The following NDUFB3 variants were observed in gnomAD, a reference collection of about 807,000 sequenced individuals.
The protein encoded by NDUFB3 is NADH dehydrogenase [ubiquinone] 1 beta subcomplex subunit 3.
In NDUFB3, 7 loss-of-function variants were observed where a neutral mutation model predicts 9.0. The ratio of observed to expected loss-of-function variants is 0.78; its 90% confidence interval spans 0.44 to 1.46. The LOEUF is 1.46. Among genes scored for constraint, NDUFB3 ranks in the 40% most tolerant of loss-of-function variants. NDUFB3 has a pLI of 0.01. For missense variants in NDUFB3, 93 were observed against 115.4 expected, an observed-to-expected ratio of 0.81 and a Z score of 0.89; for synonymous variants, 29 against 38.5, an observed-to-expected ratio of 0.75 and a Z score of 0.91.
rs1027372046 is a variant in NDUFB3 at position 201,074,101 on chromosome 2, T to G, written c.-3+2042T>G. On this transcript the variant is annotated intron_variant, in intron 1 of 2. Transcript: ENST00000237889. ...CCTAATAGCTGGAACTACAGGCATG[T>G]GCTACCATGCCCAGCTAATTTTTTT... is the stretch of plus-strand genomic sequence containing the variant. Among the ~76,000 whole-genome samples, 4 of 152,166 alleles carry G rather than the reference T, an allele frequency of 2.6e-5. No homozygotes were observed. The East Asian group carries it at 7.8e-4, about 30-fold the overall frequency.
At position 201,085,566 on chromosome 2, in the gene NDUFB3, G is replaced by A. The variant is rs1192492875; in HGVS notation, c.248G>A (p.Gly83Glu). 6.2e-7 allele frequency: 1 copy of A among 1,612,678 alleles called. No homozygotes were observed. Among genetic ancestry groups the A allele is most frequent in the African/African-American group, 1.3e-5 (1 of 74,816 alleles). Residue 83 changes from glycine (G) to glutamate (E), a missense_variant, in exon 3 of 3, where the codon GGA becomes GAA. Gly to Glu is a moderately conservative substitution (Grantham distance 98, BLOSUM62 -2). Transcript: ENST00000237889. The stretch of plus-strand genomic sequence containing the variant: ...TTTGCTGCATTTGTGGTAGCTGTAG[G>A]AGCTGAATATTACCTGGAGTCCCTG... ...WGFAAFVVAV[G>E]AEYYLESLNK...
intron 2 of NDUFB3, 22 bp from the exon 3 acceptor site, chr2:201,085,436 AT>A (rs757402154): frequency 6.4e-7 from 1 of 1,567,812 alleles, no homozygotes; most frequent in Non-Finnish European, 8.6e-7. Flanking sequence ...TATGATTATA[AT>A]TTTTTCTTTT....
chr2:201,079,601 C>A (rs1301512837), intron 2 of NDUFB3, among the ~76,000 whole-genome samples: 1 of 152,060 alleles, frequency 6.6e-6, no homozygotes, highest in East Asian at 1.9e-4. Context: ...GGCCACCATG[C>A]CCAGCTAATT....
chr2:201,076,493 A>G (rs1259779052), intron 1 of NDUFB3, among the ~76,000 whole-genome samples: 1 of 145,410 alleles, frequency 6.9e-6, no homozygotes, highest in Non-Finnish European at 1.5e-5. Context: ...AAATATATAT[A>G]TATATATATA....
At chr2:201,080,251 ATGT>A (rs752543107) in intron 2 of NDUFB3, among the ~76,000 whole-genome samples, 1 of 152,116 alleles carries the variant, frequency 6.6e-6, no homozygotes, top group Non-Finnish European at 1.5e-5. Context: ...TACCTTAATA[ATGT>A]TGTCAAAAAT....
intron 2 of NDUFB3, 36 bp downstream of exon 2, chr2:201,079,058 C>T (rs765393281): frequency 1.3e-6 from 2 of 1,575,818 alleles, no homozygotes; most frequent in Non-Finnish European, 1.7e-6. Context: ...AGAATGTATC[C>T]TAGAGAATCA....
intron 2 of NDUFB3, among the ~76,000 whole-genome samples, 158 bp downstream of exon 2, chr2:201,079,180 G>C (rs1032366886): frequency 6.6e-6 from 1 of 152,062 alleles, no homozygotes; most frequent in African/African-American, 2.4e-5. Context: ...GTGTCTTGCT[G>C]TGTTGCCAGG....
rs1470256577 is a variant in NDUFB3 at position 201,078,975 on chromosome 2, T to C, written c.93T>C (p.Thr31=). Residue 31 remains threonine, a synonymous_variant, in exon 2 of 3, where the codon ACT becomes ACC. Coordinates refer to ENST00000237889, the MANE Select transcript of NDUFB3 (RefSeq NM_002491.3). ...QWKIEGTPLE[T]IQKKLAAKGL... is the part of the protein sequence containing the mutation. The stretch of plus-strand genomic sequence containing the variant: ...AGATAGAAGGGACACCATTAGAAAC[T>C]ATCCAGAAGAAGCTGGCTGCAAAAG... The C allele has an allele frequency of 6.2e-7, 1 of 1,613,308 alleles. No homozygotes were observed. Among genetic ancestry groups the C allele is most frequent in the East Asian group, 2.2e-5 (1 of 44,876 alleles).
intron 1 of NDUFB3, among the ~76,000 whole-genome samples, chr2:201,076,143 C>G (rs1366283750): frequency 6.6e-6 from 1 of 151,998 alleles, no homozygotes; most frequent in East Asian, 1.9e-4. Flanking sequence ...ATGTTTCATT[C>G]AGAGTTGTGT....
At chr2:201,085,091 A>C (rs115150533) in intron 2 of NDUFB3, among the ~76,000 whole-genome samples, 140 of 152,374 alleles carry the variant, frequency 9.2e-4, no homozygotes, top group African/African-American at 3.3e-3. Flanking sequence ...TATAAGTGGC[A>C]TACCAAAGAT....
chr2:201,072,438 A>G (rs1479667055), intron 1 of NDUFB3: 1 of 152,218 alleles, frequency 6.6e-6, no homozygotes, highest in African/African-American at 2.4e-5. Context: ...GTTAAGATAT[A>G]TACTTGATAG....
chr2:201,078,727 C>G (rs1197854582), intron 1 of NDUFB3, among the ~76,000 whole-genome samples, 154 bp from the exon 2 acceptor site: 1 of 150,404 alleles, frequency 6.6e-6, no homozygotes, highest in African/African-American at 2.4e-5. Context: ...GAATAAGACA[C>G]TTTTATAAAA....
chr2:201,080,625 G>C (rs1477055419), intron 2 of NDUFB3, among the ~76,000 whole-genome samples: 1 of 150,038 alleles, frequency 6.7e-6, no homozygotes, highest in African/African-American at 2.4e-5. Context: ...ACTGTACTCT[G>C]TTACCCTCAT....
At chr2:201,084,106 T>G (rs1222720685) in intron 2 of NDUFB3, among the ~76,000 whole-genome samples, 4 of 152,026 alleles carry the variant, frequency 2.6e-5, no homozygotes, top group Non-Finnish European at 5.9e-5. Context: ...GTGGCCAACA[T>G]AGTGAAACCC....
intron 1 of NDUFB3, among the ~76,000 whole-genome samples, chr2:201,077,597 A>G (rs957172600): frequency 7.2e-5 from 11 of 152,224 alleles, no homozygotes; most frequent in Non-Finnish European, 1.5e-4. Context: ...GAACATTTGT[A>G]ATGACTTTGA....
intron 1 of NDUFB3, among the ~76,000 whole-genome samples, chr2:201,078,595 T>C (rs191705001): frequency 6.6e-6 from 1 of 152,356 alleles, no homozygotes; most frequent in Admixed American, 6.5e-5. Flanking sequence ...AAATGTTTAC[T>C]ATTATTATAA....
At chr2:201,083,431 C>T (rs1426334123) in intron 2 of NDUFB3, among the ~76,000 whole-genome samples, 2 of 150,548 alleles carry the variant, frequency 1.3e-5, no homozygotes, top group Non-Finnish European at 3.0e-5. Context: ...CTTGGCTCAC[C>T]GCAACCTCTG....
In NDUFB3 at chr2:201,075,948, C is replaced by T. The variant is rs560404107; in HGVS notation, c.-2-2933C>T. Among the ~76,000 whole-genome samples the T allele has an allele frequency of 2.4e-3, 359 of 152,162 alleles. 1 individual carries two copies. The highest frequency in any genetic ancestry group is 7.9e-3 in the African/African-American group (330 of 41,518). On this transcript the variant is annotated intron_variant, in intron 1 of 2. Transcript: ENST00000237889. The stretch of plus-strand genomic sequence containing the variant: ...TGTTTTAAGTGTTTTTAAAATGAAG[C>T]CTTATTTTAAAAAAGATTTTTTGAA...
Position 201,078,764 on chromosome 2 carries a change from T to A in NDUFB3, c.-2-117T>A, listed in dbSNP as rs1274622267. On this transcript the variant is annotated intron_variant, in intron 1 of 2. Coordinates refer to ENST00000237889, the MANE Select transcript of NDUFB3 (RefSeq NM_002491.3). ...CCTTTAACTGGAATTTTCAAGTATT[T>A]ATATTGGCTTTTTTTTTTAATATTA... The A allele has an allele frequency of 4.8e-6, 5 of 1,032,080 alleles. No homozygotes were observed. The African/African-American group carries it at 8.4e-5, about 17-fold the overall frequency. 63.9% of individuals were successfully genotyped at this position (1,032,080 alleles called of 1,614,324 possible).
Sources: gnomAD v4.1 joint callset for allele counts (sites outside exome capture counted in the v4.1 genomes callset) on GRCh38, gnomAD v4.1.1 for gene constraint, MANE v1.5 for transcripts, NCBI Gene and HGNC (gene_info 2026-07-23, HGNC 2026-07-21) for gene names.